The following TENM2 variants were observed in gnomAD, a reference collection of about 807,000 sequenced individuals.
TENM2 encodes the protein teneurin-2.
Under a neutral mutation model 245.2 loss-of-function variants are expected in TENM2, and 52 were observed. The observed-to-expected ratio is 0.21, with a 90% CI of 0.17 to 0.27. The LOEUF (loss-of-function observed/expected upper bound fraction) is 0.27. Among genes scored for constraint, TENM2 ranks in the 10% least tolerant of loss-of-function variants. TENM2 has a pLI of 1.00. For synonymous variants in TENM2, 1,363 were observed against 1,438.9 expected, an observed-to-expected ratio of 0.95 and a Z score of 1.19; for missense variants, 3,046 against 3,666.8, an observed-to-expected ratio of 0.83 and a Z score of 4.37.
At chr5:167,527,815 G>A (rs1387976203) in intron 2 of TENM2, among the ~76,000 whole-genome samples, 1 of 152,048 alleles carries the variant, frequency 6.6e-6, no homozygotes, top group African/African-American at 2.4e-5. Context: ...ATAGAGTTAG[G>A]GGGTTCTTGT....
chr5:167,288,506 C>T (rs568118953), intron 1 of TENM2, among the ~76,000 whole-genome samples: 28 of 147,492 alleles, frequency 1.9e-4, no homozygotes, highest in Non-Finnish European at 3.3e-4. Flanking sequence ...TTGCAGTGAG[C>T]GGAGATCGCG....
intron 2 of TENM2, chr5:167,653,626 A>G (rs927388025): frequency 6.6e-6 from 1 of 152,036 alleles, no homozygotes; most frequent in Non-Finnish European, 1.5e-5. Context: ...TTGCATCCCC[A>G]GTGTCTACTT....
chr5:167,742,020 G>C (rs1561727034), intron 2 of TENM2, among the ~76,000 whole-genome samples: 1 of 152,078 alleles, frequency 6.6e-6, no homozygotes, highest in Non-Finnish European at 1.5e-5. Context: ...TTTCTTCAAA[G>C]ACAACCTCCT....
intron 25 of TENM2, among the ~76,000 whole-genome samples, chr5:168,231,898 C>T (rs1001188434): frequency 6.6e-6 from 1 of 152,080 alleles, no homozygotes; most frequent in Non-Finnish European, 1.5e-5. Context: ...GAGTTGGAGA[C>T]CAGCCTGGGC....
chr5:168,172,321 G>T (rs1006260385), intron 13 of TENM2, among the ~76,000 whole-genome samples: 16 of 152,138 alleles, frequency 1.1e-4, no homozygotes, highest in Non-Finnish European at 1.9e-4. Context: ...AGTGTCCATG[G>T]GCCTGATTTG....
At chr5:167,745,427 A>T (rs1313748343) in intron 2 of TENM2, among the ~76,000 whole-genome samples, 1 of 152,132 alleles carries the variant, frequency 6.6e-6, no homozygotes, top group Non-Finnish European at 1.5e-5. Flanking sequence ...AAGCCTTGAG[A>T]CACTGTTCTC....
the TENM2 span, among the ~76,000 whole-genome samples, chr5:167,279,518 C>A: frequency 1.1e-5 from 1 of 88,220 alleles, no homozygotes; most frequent in African/African-American, 5.7e-5. Context: ...CCTTCCTTTC[C>A]TTCCTTCCTT....
At chr5:167,574,016 A>C (rs1032876911) in intron 2 of TENM2, 1 of 152,162 alleles carries the variant, frequency 6.6e-6, no homozygotes, top group African/African-American at 2.4e-5. Flanking sequence ...GGAAGCCTTC[A>C]GCTGAGGCAG....
At chr5:167,998,105 C>T (rs1306656273) in intron 5 of TENM2, among the ~76,000 whole-genome samples, 3 of 152,180 alleles carry the variant, frequency 2.0e-5, no homozygotes, top group Non-Finnish European at 4.4e-5. Flanking sequence ...GACACTTCAT[C>T]ATGAAAGCAT....
chr5:167,448,424 G>T (rs1161747253), intron 2 of TENM2, among the ~76,000 whole-genome samples: 1 of 151,266 alleles, frequency 6.6e-6, no homozygotes, highest in Admixed American at 6.6e-5. Flanking sequence ...TAATATTCTT[G>T]TTTAATGGGA....
chr5:167,799,344 T>A (rs1222947026), intron 2 of TENM2, among the ~76,000 whole-genome samples: 1 of 152,212 alleles, frequency 6.6e-6, no homozygotes, highest in Non-Finnish European at 1.5e-5. Flanking sequence ...TCAGATGAAA[T>A]CAGGGAGAAC....
At chr5:167,168,819 G>C in the TENM2 span, among the ~76,000 whole-genome samples, 1 of 152,140 alleles carries the variant, frequency 6.6e-6, no homozygotes, top group Non-Finnish European at 1.5e-5. Flanking sequence ...GAGTGCAGTG[G>C]CACCGTCTTG....
the TENM2 span, among the ~76,000 whole-genome samples, chr5:167,132,106 C>T: frequency 1.3e-5 from 2 of 152,270 alleles, no homozygotes; most frequent in African/African-American, 4.8e-5. Flanking sequence ...CAGGTGTGAG[C>T]CACCATGCCT....
chr5:167,655,464 C>T (rs1342308911), intron 2 of TENM2, among the ~76,000 whole-genome samples: 1 of 152,184 alleles, frequency 6.6e-6, no homozygotes, highest in South Asian at 2.1e-4. Context: ...ACACTGTATA[C>T]AAACAACAGA....
At chr5:167,140,232 A>G in the TENM2 span, among the ~76,000 whole-genome samples, 1 of 152,186 alleles carries the variant, frequency 6.6e-6, no homozygotes, top group Non-Finnish European at 1.5e-5. Context: ...TAGGCATGCA[A>G]TGTGAAATAA....
chr5:167,467,921 A>G (rs1766771695), intron 2 of TENM2, among the ~76,000 whole-genome samples: 3 of 152,118 alleles, frequency 2.0e-5, no homozygotes, highest in African/African-American at 7.2e-5. Context: ...ATAAGCTGGC[A>G]TGTATTCTAT....
At chr5:167,458,808 T>A (rs1269407941) in intron 2 of TENM2, among the ~76,000 whole-genome samples, 1 of 152,156 alleles carries the variant, frequency 6.6e-6, no homozygotes, top group Non-Finnish European at 1.5e-5. Context: ...GAAAAAGAAG[T>A]CACAGACAGT....
chr5:167,850,833 G>A (rs549400909), intron 2 of TENM2, among the ~76,000 whole-genome samples: 1 of 152,202 alleles, frequency 6.6e-6, no homozygotes, highest in Non-Finnish European at 1.5e-5. Context: ...CAATTAGCTT[G>A]CAACGAGTTA....
the TENM2 span, among the ~76,000 whole-genome samples, chr5:167,012,626 A>G: frequency 6.6e-6 from 1 of 152,208 alleles, no homozygotes; most frequent in African/African-American, 2.4e-5. Flanking sequence ...AGGGATTCCA[A>G]GGCTGCCATG....
Sources: allele counts gnomAD v4.1 joint callset (sites outside exome capture counted in the v4.1 genomes callset), GRCh38; gene constraint gnomAD v4.1.1; transcripts MANE v1.5; gene names NCBI Gene and HGNC (gene_info 2026-07-23, HGNC 2026-07-21).